ACOT7: variants seen among roughly 807,000 people sequenced by gnomAD.
The protein encoded by ACOT7 is cytosolic acyl coenzyme A thioester hydrolase.
In ACOT7, 12 loss-of-function variants were observed where a neutral mutation model predicts 40.2. The observed-to-expected ratio is 0.30, with a 90% confidence interval of 0.19 to 0.48. The LOEUF (loss-of-function observed/expected upper bound fraction) is 0.48, where lower values mean the gene tolerates loss of function less well. ACOT7 is among the 20% of genes least tolerant of loss of function. The probability of loss-of-function intolerance (pLI) is 0.99; values close to 1 mark genes in which losing one functional copy is unlikely to be tolerated. For missense variants in ACOT7, 395 were observed against 530.8 expected (o/e 0.74, Z 2.51); for synonymous variants, 228 against 219.5 (o/e 1.04, Z -0.34).
At chr1:6,307,365 G>A (rs1640185830) in intron 6 of ACOT7, among the ~76,000 whole-genome samples, 1 of 152,264 alleles carries the variant, frequency 6.6e-6, no homozygotes, top group South Asian at 2.1e-4. Flanking sequence ...CAGTCATTCA[G>A]CTACTGAGTG....
chr1:6,385,913 C>G, intron 1 of ACOT7: 1 of 1,155,904 alleles, frequency 8.7e-7, no homozygotes, highest in Non-Finnish European at 1.2e-6. Flanking sequence ...GAATCCATGA[C>G]TCGGCCTGAA....
rs1459544359 is a variant in ACOT7, at chr1:6,311,149, T to G, written c.712+7343A>C. Reference sequence around the variant, plus strand: ...ACATGCTCCATCCTGTGCTTCCCAGTACCATGGGAGCTGAGCAAGCTCTCC... The same window carrying G: ...ACATGCTCCATCCTGTGCTTCCCAGGACCATGGGAGCTGAGCAAGCTCTCC... On this transcript the variant is annotated intron_variant, in intron 6 of 8. Coordinates refer to ENST00000361521, the MANE Select transcript of ACOT7 (RefSeq NM_007274.4). The surrounding 1 kb of genome is among the most constrained non-coding windows in gnomAD (Gnocchi z 5.2). Among the ~76,000 whole-genome samples, 1 of 152,196 alleles carries G rather than the reference T, an allele frequency of 6.6e-6. No individual in the cohort carries two copies. The highest frequency in any genetic ancestry group is 2.4e-5 in the African/African-American group (1 of 41,444).
intron 6 of ACOT7, among the ~76,000 whole-genome samples, chr1:6,305,847 G>A (rs1269878779): frequency 6.6e-6 from 1 of 152,180 alleles, no homozygotes; most frequent in Non-Finnish European, 1.5e-5. Context: ...CAGCTGGGAG[G>A]TGGAGGTTGT....
In ACOT7 at chr1:6,299,512, G is replaced by A. The variant is rs1334467663; in HGVS notation, c.713-4532C>T. Among the ~76,000 whole-genome samples the A allele has an allele frequency of 6.6e-6, 1 of 151,980 alleles. No homozygotes were observed. Among genetic ancestry groups the A allele is most frequent in the Non-Finnish European group, 1.5e-5 (1 of 68,002 alleles). On this transcript the variant is annotated intron_variant, in intron 6 of 8. Coordinates refer to ENST00000361521, the MANE Select transcript of ACOT7 (RefSeq NM_007274.4). This position sits in a 1 kb window ranked among gnomAD's most constrained non-coding sequence, Gnocchi z 4.1. Reference sequence around the variant, plus strand: ...ACACAGAGGGCATAGAGGACAGTCGGCCTCCCCTTACCAGGCACCACACAC... The same window carrying A: ...ACACAGAGGGCATAGAGGACAGTCGACCTCCCCTTACCAGGCACCACACAC...
chr1:6,322,683 C>G (rs889279655), intron 5 of ACOT7, among the ~76,000 whole-genome samples: 2 of 152,218 alleles, frequency 1.3e-5, no homozygotes, highest in Non-Finnish European at 2.9e-5. Flanking sequence ...GACACCAGCC[C>G]ACCCTAATGA....
At chr1:6,376,504 G>A (rs568798420) in intron 1 of ACOT7, among the ~76,000 whole-genome samples, 2 of 151,680 alleles carry the variant, frequency 1.3e-5, no homozygotes, top group East Asian at 2.0e-4. Context: ...TGAGGCGGGT[G>A]GATCACGAGG....
intron 1 of ACOT7, among the ~76,000 whole-genome samples, chr1:6,350,536 T>C (rs897880746): frequency 5.3e-5 from 8 of 152,236 alleles, no homozygotes; most frequent in African/African-American, 9.6e-5. Flanking sequence ...CAGCCGGTAG[T>C]GTGGGAGCTC....
intron 1 of ACOT7, among the ~76,000 whole-genome samples, chr1:6,363,486 C>T (rs1271181440): frequency 2.0e-5 from 3 of 152,152 alleles, no homozygotes; most frequent in Non-Finnish European, 2.9e-5. Flanking sequence ...TCAGTGGTCA[C>T]GCTCCTAGTC....
At chr1:6,336,121 C>T (rs1641094332) in intron 3 of ACOT7, among the ~76,000 whole-genome samples, 6 of 152,226 alleles carry the variant, frequency 3.9e-5, no homozygotes, top group Admixed American at 3.3e-4. Flanking sequence ...CCGAGGCAGG[C>T]GGATCACGAG....
At chr1:6,334,671 G>A (rs1398314744) in intron 3 of ACOT7, among the ~76,000 whole-genome samples, 1 of 152,266 alleles carries the variant, frequency 6.6e-6, no homozygotes. Context: ...ACAGAGCAAA[G>A]TGGGGCTGCA....
chr1:6,329,268 A>G (rs973200940), intron 4 of ACOT7, among the ~76,000 whole-genome samples: 6 of 152,204 alleles, frequency 3.9e-5, no homozygotes, highest in African/African-American at 7.2e-5. Context: ...CCCATCTTCA[A>G]AAGAGGCTGA....
chr1:6,325,322 C>T (rs746008522), intron 5 of ACOT7, among the ~76,000 whole-genome samples: 31 of 151,584 alleles, frequency 2.0e-4, no homozygotes, highest in Non-Finnish European at 4.0e-4. Flanking sequence ...GGCGTGAACC[C>T]GGGAGGCAGA....
At chr1:6,329,809 T>C (rs1001895285) in intron 4 of ACOT7, among the ~76,000 whole-genome samples, 5 of 151,542 alleles carry the variant, frequency 3.3e-5, no homozygotes, top group Admixed American at 3.3e-4. Flanking sequence ...ATTCAGACAT[T>C]TGAAAAAAAC....
At position 6,349,676 on chromosome 1, in the gene ACOT7, C is replaced by T. The variant is rs1641531214; in HGVS notation, c.261+73G>A. 4 of 1,451,566 alleles carry T rather than the reference C, an allele frequency of 2.8e-6. No individual in the cohort carries two copies. In the African/African-American group the frequency reaches 4.2e-5, roughly 15 times the overall value. The allele number at this position is 1,451,566 out of a possible 1,614,324, so 89.9% of individuals were successfully genotyped here. On this transcript the variant is annotated intron_variant, in intron 2 of 8. Transcript: ENST00000361521. ...GAGGGAAGGCTGCAGGCCTGGCTCCCCGGGGAACTCCTGTCCTGAACTCAC... is the reference window on the plus strand; with the variant it reads ...GAGGGAAGGCTGCAGGCCTGGCTCCTCGGGGAACTCCTGTCCTGAACTCAC...
chr1:6,384,919 G>A (rs1263941482), intron 1 of ACOT7, among the ~76,000 whole-genome samples: 1 of 151,926 alleles, frequency 6.6e-6, no homozygotes, highest in African/African-American at 2.4e-5. Flanking sequence ...TGAATGAATT[G>A]TATGGCATGT....
At position 6,355,770 on chromosome 1, in the gene ACOT7, C is replaced by T. The variant is rs577465806; in HGVS notation, c.144-5904G>A. ...GGCCGGCCAGCACTCATCCCAAGAG[C>T]GCCTACAGCAGCGGCCCTGGGGTCC... On this transcript the variant is annotated intron_variant, in intron 1 of 8. Coordinates refer to ENST00000361521, the MANE Select transcript of ACOT7 (RefSeq NM_007274.4). This position sits in a 1 kb window ranked among gnomAD's most constrained non-coding sequence, Gnocchi z 5.0. Among the ~76,000 whole-genome samples, 4 of 152,354 alleles carry T rather than the reference C, an allele frequency of 2.6e-5. No homozygotes were observed. In the South Asian group the frequency reaches 6.2e-4, roughly 24 times the overall value.
intron 1 of ACOT7, among the ~76,000 whole-genome samples, chr1:6,369,772 A>G (rs1247572281): frequency 1.3e-5 from 2 of 151,406 alleles, no homozygotes; most frequent in Non-Finnish European, 2.9e-5. Flanking sequence ...TAGAGACAGG[A>G]TTTCAACATG....
intron 5 of ACOT7, among the ~76,000 whole-genome samples, chr1:6,319,899 A>G (rs562069159): frequency 6.6e-6 from 1 of 152,332 alleles, no homozygotes; most frequent in African/African-American, 2.4e-5. Flanking sequence ...GAACATGGTC[A>G]GGCCAGGGGC....
intron 4 of ACOT7, among the ~76,000 whole-genome samples, chr1:6,328,967 T>A (rs1640882099): frequency 6.6e-6 from 1 of 152,234 alleles, no homozygotes; most frequent in African/African-American, 2.4e-5. Flanking sequence ...GACTACCACC[T>A]GGCTGTTCTG....
Sources: allele counts gnomAD v4.1 joint callset (sites outside exome capture counted in the v4.1 genomes callset), GRCh38; gene constraint gnomAD v4.1.1; non-coding constraint Gnocchi (gnomAD v3.1); transcripts MANE v1.5; gene names NCBI Gene and HGNC (gene_info 2026-07-23, HGNC 2026-07-21).